The following BCL11A variants were observed in gnomAD, a reference collection of about 807,000 sequenced individuals.
BCL11A encodes the protein B cell CLL/lymphoma 11A.
BCL11A carries 2 observed loss-of-function variants against 55.9 expected under a neutral mutation model. The observed-to-expected ratio is 0.04, with a 90% CI of 0.01 to 0.11. BCL11A has a LOEUF of 0.11. Among genes scored for constraint, BCL11A ranks in the 10% least tolerant of loss-of-function variants. BCL11A has a pLI of 1.00. For synonymous variants in BCL11A, 465 were observed against 473.4 expected, an observed-to-expected ratio of 0.98 and a Z score of 0.23; for missense variants, 817 against 1,137.1, an observed-to-expected ratio of 0.72 and a Z score of 4.05.
At chr2:60,456,299 A>T (rs757447351), downstream of BCL11A, among the ~76,000 whole-genome samples, 1 of 152,240 alleles carries the variant, frequency 6.6e-6, no homozygotes. Context: ...TCACAGAGGT[A>T]TGTGTTTAGT....
chr2:60,543,180 C>T (rs1216203807), intron 2 of BCL11A: 1 of 152,130 alleles, frequency 6.6e-6, no homozygotes, highest in East Asian at 1.9e-4. Context: ...GGAAGAAGAT[C>T]TGTCACTGTT....
chr2:60,504,078 G>T (rs45601333), intron 2 of BCL11A, among the ~76,000 whole-genome samples: 2,454 of 152,248 alleles, frequency 0.016, 37 homozygotes, highest in Non-Finnish European at 0.026. Context: ...ACTCTGAAGA[G>T]TACCACTCAG....
intron 1 of BCL11A, chr2:60,550,863 G>A (rs1573105361): frequency 5.0e-6 from 2 of 398,578 alleles, no homozygotes; most frequent in Non-Finnish European, 8.8e-6. Flanking sequence ...CCTTCCCGCC[G>A]GTACCTGGCC....
chr2:60,461,833 A>AGGGGG lies in BCL11A; in HGVS notation c.1074_1078dup (p.Leu360ProfsTer63). 1 of 605,364 alleles carries AGGGGG rather than the reference A, an allele frequency of 1.7e-6. No individual in the cohort carries two copies. The highest frequency in any genetic ancestry group is 3.8e-5 in the Admixed American group (1 of 26,094). The allele number at this position is 605,364 out of a possible 1,614,324, so 37.5% of individuals were successfully genotyped here. On this transcript the variant is annotated frameshift_variant, in exon 4 of 4. Transcript: ENST00000642384. LOFTEE classifies it high-confidence loss of function. ...AGGAGGGGCGGATTGCAGAGGAGGG[A>AGGGGG]GGGGGGGCGTCGCCAGGAAGGGCGG...
intron 3 of BCL11A, among the ~76,000 whole-genome samples, chr2:60,464,202 C>T (rs1676475320): frequency 6.6e-6 from 1 of 151,972 alleles, no homozygotes; most frequent in Admixed American, 6.5e-5. Context: ...TGGTAAGATA[C>T]CAAAATTAGG....
Position 60,460,476 on chromosome 2 carries a change from G to A in BCL11A, c.2436C>T (p.Tyr812=). The change falls in exon 4 of 4, where the codon TAC becomes TAT. Residue 812 remains tyrosine (Y), a synonymous_variant. Transcript: ENST00000642384. ...TTTTCATGTGTTTCTCCAGGGTACTGTACACGCTAAAAGGCATCTTACAAA... is the reference window on the plus strand; with the variant it reads ...TTTTCATGTGTTTCTCCAGGGTACTATACACGCTAAAAGGCATCTTACAAA... ...CEICKMPFSV[Y]STLEKHMKKW... is the part of the protein sequence containing the mutation. The A allele has an allele frequency of 6.2e-7, 1 of 1,613,940 alleles. No homozygotes were observed. The highest frequency in any genetic ancestry group is 1.1e-5 in the South Asian group (1 of 91,080).
At position 60,546,299 on chromosome 2, in the gene BCL11A, G is replaced by A. The variant is rs113193569; in HGVS notation, c.57C>T (p.Pro19=). The A allele has an allele frequency of 1.3e-5, 21 of 1,610,620 alleles. No homozygotes were observed. Among genetic ancestry groups the A allele is most frequent in the South Asian group, 8.8e-5 (8 of 90,876 alleles). ...PQHLSKREFS[P]EPLEAILTDD... ...CTGTAAGAATGGCTTCAAGAGGCTC[G>A]GCTGTGGTTGGAGAAACAAAAGCAC... The change falls in exon 2 of 4, where the codon CCC becomes CCT. Residue 19 remains proline (P), a splice_region_variant and synonymous_variant. Transcript: ENST00000642384. This position sits in a 1 kb window ranked among gnomAD's most constrained non-coding sequence, Gnocchi z 4.1.
chr2:60,466,749 T>C (rs1239012536), intron 3 of BCL11A, among the ~76,000 whole-genome samples: 1 of 152,194 alleles, frequency 6.6e-6, no homozygotes, highest in Non-Finnish European at 1.5e-5. Flanking sequence ...TGCTCTTTGT[T>C]ATTCTCTCTC....
chr2:60,450,696 A>C (rs1675692762), downstream of BCL11A: 1 of 152,268 alleles, frequency 6.6e-6, no homozygotes, highest in Non-Finnish European at 1.5e-5. Flanking sequence ...GGAAGTCCCA[A>C]CTAATTGATA....
intron 2 of BCL11A, chr2:60,526,301 A>G (rs1669199072): frequency 6.6e-6 from 1 of 152,224 alleles, no homozygotes; most frequent in African/African-American, 2.4e-5. Flanking sequence ...TTTCATCTTT[A>G]AAAGGATTTC....
At chr2:60,462,776 C>G (rs897033148) in intron 3 of BCL11A, among the ~76,000 whole-genome samples, 4 of 152,178 alleles carry the variant, frequency 2.6e-5, no homozygotes, top group South Asian at 2.1e-4. Flanking sequence ...TGGGGCAAGC[C>G]ATCTCATCTC....
chr2:60,522,331 CG>C (rs1048182667), intron 2 of BCL11A: 4 of 152,198 alleles, frequency 2.6e-5, no homozygotes, highest in Non-Finnish European at 5.9e-5. Context: ...CATAGGAACT[CG>C]TTTTTTTTCT....
chr2:60,548,615 T>C (rs1670257881), intron 1 of BCL11A, among the ~76,000 whole-genome samples: 1 of 152,214 alleles, frequency 6.6e-6, no homozygotes, highest in Non-Finnish European at 1.5e-5. Flanking sequence ...AATGTACAGA[T>C]ATAAAACCTG....
rs1676087294 is a variant in BCL11A, at chr2:60,459,024, T to G, written c.*1380A>C. 2 of 1,020,464 alleles carry G rather than the reference T, an allele frequency of 2.0e-6. No individual in the cohort carries two copies. The highest frequency in any genetic ancestry group is 1.7e-5 in the African/African-American group (1 of 58,860). 63.2% of individuals were successfully genotyped at this position (1,020,464 alleles called of 1,614,324 possible). On this transcript the variant is annotated 3_prime_UTR_variant, in exon 4 of 4. Coordinates refer to ENST00000642384, the MANE Select transcript of BCL11A (RefSeq NM_022893.4). The stretch of plus-strand genomic sequence containing the variant: ...CTTCTTTTTTTAAGAATGTCACATT[T>G]AAATGCAAGTCTTAAGAATTCATAG...
Position 60,520,623 on chromosome 2 carries a change from A to G in BCL11A, c.385+25348T>C, listed in dbSNP as rs533219486. On this transcript the variant is annotated intron_variant, in intron 2 of 3. Transcript: ENST00000642384. ...ATGTAAACTGTTTTGCTCTGACTCA[A>G]CACTATGAGGCATAAGGTCCTAAAT... 5.9e-5 allele frequency among the ~76,000 whole-genome samples: 9 copies of G among 152,348 alleles called. No homozygotes were observed. The South Asian group carries it at 1.9e-3, about 32-fold the overall frequency.
chr2:60,552,855 C>T (rs866245938), intron 1 of BCL11A, among the ~76,000 whole-genome samples: 3 of 150,750 alleles, frequency 2.0e-5, no homozygotes, highest in South Asian at 2.1e-4. Context: ...TTGTTCGCAA[C>T]CTTAGCATTG....
rs1231802982 is a variant in BCL11A, at chr2:60,536,936, G to A, written c.385+9035C>T. Reference sequence around the variant, plus strand: ...CAGCAGCTGAATTATTTTTATACAGGAATTTTTATCTCTATTGTACAAACA... The same window carrying A: ...CAGCAGCTGAATTATTTTTATACAGAAATTTTTATCTCTATTGTACAAACA... On this transcript the variant is annotated intron_variant, in intron 2 of 3. Transcript: ENST00000642384. 4 of 152,208 alleles carry A rather than the reference G, an allele frequency of 2.6e-5. No individual in the cohort carries two copies. In the East Asian group the frequency reaches 7.7e-4, roughly 29 times the overall value. The allele number at this position is 152,208 out of a possible 1,614,324, so 9.4% of individuals were successfully genotyped here.
intron 2 of BCL11A, among the ~76,000 whole-genome samples, chr2:60,507,893 G>A (rs995534534): frequency 3.3e-5 from 5 of 152,036 alleles, no homozygotes; most frequent in Admixed American, 6.6e-5. Flanking sequence ...AATTACTATG[G>A]ATTATTATTA....
chr2:60,504,670 C>T (rs1413135479), intron 2 of BCL11A, among the ~76,000 whole-genome samples: 1 of 152,188 alleles, frequency 6.6e-6, no homozygotes, highest in Admixed American at 6.5e-5. Context: ...GCAGGTACTG[C>T]TCACCTGGAA....
Sources: allele counts gnomAD v4.1 joint callset (sites outside exome capture counted in the v4.1 genomes callset), GRCh38; gene constraint gnomAD v4.1.1; non-coding constraint Gnocchi (gnomAD v3.1); transcripts MANE v1.5; gene names NCBI Gene and HGNC (gene_info 2026-07-23, HGNC 2026-07-21).